Variants in DNM3 observed in about 807,000 individuals in gnomAD.
DNM3 encodes the protein dynamin 3.
DNM3 carries 47 observed loss-of-function variants against 101.6 expected under a neutral mutation model. That is an observed-to-expected ratio of 0.46 (90% CI 0.37 to 0.59). The LOEUF is 0.59. Among genes scored for constraint, DNM3 ranks in the 20% least tolerant of loss-of-function variants. The pLI, the probability that DNM3 is intolerant of heterozygous loss-of-function variation, is 0.00. For missense variants in DNM3, 849 were observed against 1,085.7 expected, an observed-to-expected ratio of 0.78 and a Z score of 3.06; for synonymous variants, 385 against 387.9, an observed-to-expected ratio of 0.99 and a Z score of 0.09.
chr1:172,217,524 C>A (rs1327371391), intron 14 of DNM3, among the ~76,000 whole-genome samples: 1 of 143,096 alleles, frequency 7.0e-6, no homozygotes, highest in East Asian at 1.9e-4. Context: ...GATGTGTTTC[C>A]TCATAGACTT....
intron 2 of DNM3, among the ~76,000 whole-genome samples, chr1:171,973,909 C>T (rs1385292218): frequency 2.0e-5 from 3 of 152,088 alleles, no homozygotes; most frequent in Admixed American, 6.5e-5. Flanking sequence ...ACGTGATCCT[C>T]CCGCCTTGGC....
chr1:172,313,962 A>G (rs1169160686), intron 16 of DNM3, among the ~76,000 whole-genome samples: 1 of 109,766 alleles, frequency 9.1e-6, no homozygotes, highest in Non-Finnish European at 1.8e-5. Flanking sequence ...CTACCCCCCG[A>G]CAGGCCCCAG....
chr1:171,983,670 A>C (rs1234628830), intron 2 of DNM3, among the ~76,000 whole-genome samples: 1 of 152,064 alleles, frequency 6.6e-6, no homozygotes, highest in African/African-American at 2.4e-5. Context: ...CCAAATATAT[A>C]TCTCTCACTT....
chr1:172,105,553 T>A lies in DNM3; in HGVS notation c.1545+12678T>A, dbSNP rs550027695. Among the ~76,000 whole-genome samples the A allele has an allele frequency of 1.2e-4, 19 of 152,334 alleles. No individual in the cohort carries two copies. The South Asian group carries it at 3.7e-3, about 30-fold the overall frequency. ...TTAATAACTGCTAGGTTTTTCCTTT[T>A]ATTATTCTTTTTTCAAAAATGAGTT... On this transcript the variant is annotated intron_variant, in intron 13 of 20. Transcript: ENST00000627582.
chr1:172,365,577 A>G (rs769137488), intron 17 of DNM3, among the ~76,000 whole-genome samples: 2 of 152,004 alleles, frequency 1.3e-5, no homozygotes, highest in African/African-American at 2.4e-5. Flanking sequence ...TAATGTAGAC[A>G]TTGATGTCGT....
chr1:172,315,349 A>G (rs1412313862), intron 16 of DNM3, among the ~76,000 whole-genome samples: 2 of 152,334 alleles, frequency 1.3e-5, no homozygotes, highest in African/African-American at 4.8e-5. Flanking sequence ...CTCCAAAGGA[A>G]CGCAGTTCCT....
intron 16 of DNM3, chr1:172,309,184 A>G (rs920452793): frequency 9.7e-6 from 2 of 205,598 alleles, no homozygotes; most frequent in South Asian, 3.4e-4. Context: ...TACAATCAGT[A>G]TATCATCAAT....
At chr1:171,910,592 G>C (rs1309093809) in intron 1 of DNM3, among the ~76,000 whole-genome samples, 2 of 152,174 alleles carry the variant, frequency 1.3e-5, no homozygotes, top group African/African-American at 4.8e-5. Context: ...GCTAGCAAGA[G>C]ATAATCACTA....
chr1:171,885,954 A>T (rs1431295640), intron 1 of DNM3, among the ~76,000 whole-genome samples: 1 of 152,150 alleles, frequency 6.6e-6, no homozygotes, highest in Non-Finnish European at 1.5e-5. Flanking sequence ...TGAGAGTAGG[A>T]TGAGATGTTG....
chr1:171,899,152 C>T (rs2038082321), intron 1 of DNM3, among the ~76,000 whole-genome samples: 1 of 152,240 alleles, frequency 6.6e-6, no homozygotes, highest in Non-Finnish European at 1.5e-5. Flanking sequence ...ACAGAGCAGG[C>T]TTCATCTCTA....
intron 2 of DNM3, among the ~76,000 whole-genome samples, chr1:171,958,203 A>G (rs1321015756): frequency 6.6e-6 from 1 of 152,160 alleles, no homozygotes; most frequent in Non-Finnish European, 1.5e-5. Context: ...CTTATTCACT[A>G]TCACAAGAAC....
chr1:172,136,056 G>A (rs751390793), intron 14 of DNM3, among the ~76,000 whole-genome samples: 35 of 151,982 alleles, frequency 2.3e-4, no homozygotes, highest in Non-Finnish European at 4.6e-4. Context: ...CAACATAGGC[G>A]TTTCCAGTGG....
intron 1 of DNM3, among the ~76,000 whole-genome samples, chr1:171,878,564 A>G (rs956353725): frequency 1.3e-5 from 2 of 152,146 alleles, no homozygotes; most frequent in Non-Finnish European, 2.9e-5. Flanking sequence ...GTGTTAAGTG[A>G]CAGAGAGAAA....
At chr1:171,969,409 G>T (rs2043825508) in intron 2 of DNM3, among the ~76,000 whole-genome samples, 3 of 152,124 alleles carry the variant, frequency 2.0e-5, no homozygotes, top group Admixed American at 2.0e-4. Context: ...AGCTCTGAGG[G>T]AGGCAGTGGG....
intron 8 of DNM3, 97 bp from the exon 9 acceptor site, chr1:172,044,288 A>G: frequency 2.9e-6 from 3 of 1,019,658 alleles, no homozygotes; most frequent in Non-Finnish European, 4.3e-6. Flanking sequence ...GTATCCACTT[A>G]TTAATAATGA....
At chr1:172,086,812 A>C (rs1558547091) in intron 12 of DNM3, among the ~76,000 whole-genome samples, 1 of 152,082 alleles carries the variant, frequency 6.6e-6, no homozygotes, top group Non-Finnish European at 1.5e-5. Context: ...GCACAATAGA[A>C]GTTTCTGAGA....
chr1:172,107,716 C>A (rs2055163985), intron 13 of DNM3, among the ~76,000 whole-genome samples: 1 of 152,124 alleles, frequency 6.6e-6, no homozygotes, highest in African/African-American at 2.4e-5. Context: ...TATATATTTC[C>A]AATAGTGCTC....
intron 2 of DNM3, among the ~76,000 whole-genome samples, chr1:171,957,939 T>C (rs866614944): frequency 2.8e-4 from 43 of 152,314 alleles, no homozygotes; most frequent in African/African-American, 9.9e-4. Flanking sequence ...CATCTTCAGG[T>C]ATCTTTATAG....
intron 1 of DNM3, among the ~76,000 whole-genome samples, chr1:171,867,393 T>C (rs1411427864): frequency 1.3e-5 from 2 of 152,212 alleles, no homozygotes; most frequent in Non-Finnish European, 1.5e-5. Flanking sequence ...GCTTCAAACC[T>C]CACATATTTG....
Sources: gnomAD v4.1 joint callset for allele counts (sites outside exome capture counted in the v4.1 genomes callset) on GRCh38, gnomAD v4.1.1 for gene constraint, MANE v1.5 for transcripts, NCBI Gene and HGNC (gene_info 2026-07-23, HGNC 2026-07-21) for gene names.